DACH1: variants seen among roughly 807,000 people sequenced by gnomAD.
DACH1 encodes dachshund family transcription factor 1.
A neutral mutation model predicts 54.2 loss-of-function variants in DACH1; 12 were observed. The ratio of observed to expected loss-of-function variants is 0.22; its 90% CI spans 0.14 to 0.36. The LOEUF is 0.36. Among genes scored for constraint, DACH1 ranks in the 10% least tolerant of loss-of-function variants. DACH1 has a pLI of 1.00. For synonymous variants in DACH1, 386 were observed against 366.2 expected (o/e 1.05, Z -0.62); for missense variants, 805 against 929.8 (o/e 0.87, Z 1.75).
intron 6 of DACH1, among the ~76,000 whole-genome samples, chr13:71,555,787 A>C (rs1422374520): frequency 6.6e-6 from 1 of 152,168 alleles, no homozygotes; most frequent in Non-Finnish European, 1.5e-5. Flanking sequence ...TAAGTTAAAA[A>C]TTTAGAGACC....
intron 6 of DACH1, among the ~76,000 whole-genome samples, chr13:71,555,493 A>C (rs972623756): frequency 5.9e-5 from 9 of 151,570 alleles, no homozygotes; most frequent in Non-Finnish European, 1.2e-4. Flanking sequence ...ACAGGTGCGC[A>C]CCATCACGCC....
At chr13:71,528,812 G>T (rs1279070284) in intron 6 of DACH1, among the ~76,000 whole-genome samples, 1 of 151,928 alleles carries the variant, frequency 6.6e-6, no homozygotes, top group Non-Finnish European at 1.5e-5. Flanking sequence ...TTGAAGATTG[G>T]AGATAACCTA....
At chr13:71,475,661 C>A in intron 9 of DACH1, 45 bp downstream of exon 9, 1 of 1,571,380 alleles carries the variant, frequency 6.4e-7, no homozygotes, top group Non-Finnish European at 8.6e-7. Context: ...GTCCTTTAAG[C>A]ATTAAAAATG....
intron 2 of DACH1, among the ~76,000 whole-genome samples, chr13:71,652,520 T>C (rs1878758270): frequency 6.6e-6 from 1 of 152,110 alleles, no homozygotes; most frequent in Non-Finnish European, 1.5e-5. Context: ...GAACTATCCT[T>C]CAACTCAGCA....
At chr13:71,785,398 A>C (rs1231145210) in intron 1 of DACH1, among the ~76,000 whole-genome samples, 2 of 152,222 alleles carry the variant, frequency 1.3e-5, no homozygotes, top group African/African-American at 4.8e-5. Context: ...CCCAAAGAGC[A>C]TACCGTATTC....
intron 4 of DACH1, among the ~76,000 whole-genome samples, chr13:71,568,387 A>G (rs1295387234): frequency 6.6e-6 from 1 of 151,964 alleles, no homozygotes; most frequent in Non-Finnish European, 1.5e-5. Context: ...TGCACAATTC[A>G]CTTCTAGAGT....
In DACH1 at chr13:71,482,715, G is replaced by A. The variant is rs117172562; in HGVS notation, c.1723-3399C>T. Among the ~76,000 whole-genome samples the A allele has an allele frequency of 1.4e-3, 198 of 145,928 alleles. 2 individuals are homozygous for A. The East Asian group carries it at 0.032, about 24-fold the overall frequency. ...CCTGGTCTCTTTTCAGGGAGAAAAA[G>A]AATAATGTCCCTTGGAATCAGGAAC... On this transcript the variant is annotated intron_variant, in intron 7 of 10. Coordinates refer to ENST00000613252, the MANE Select transcript of DACH1 (RefSeq NM_080759.6).
At chr13:71,572,752 C>A in intron 4 of DACH1, 88 bp downstream of exon 4, 1 of 1,381,866 alleles carries the variant, frequency 7.2e-7, no homozygotes, top group South Asian at 1.5e-5. Context: ...TTTTAGAGTT[C>A]AGATGTACTT....
At chr13:71,696,894 T>C (rs1224178689) in intron 1 of DACH1, among the ~76,000 whole-genome samples, 1 of 152,144 alleles carries the variant, frequency 6.6e-6, no homozygotes, top group African/African-American at 2.4e-5. Context: ...TCTGAATATA[T>C]TTACTATTTA....
intron 10 of DACH1, among the ~76,000 whole-genome samples, chr13:71,471,587 C>T (rs963935208): frequency 2.0e-5 from 3 of 151,580 alleles, no homozygotes; most frequent in Non-Finnish European, 2.9e-5. Flanking sequence ...AGTGAAACAC[C>T]GTCTCTACTA....
chr13:71,663,747 T>C (rs965680722), intron 2 of DACH1, among the ~76,000 whole-genome samples: 5 of 151,960 alleles, frequency 3.3e-5, no homozygotes, highest in African/African-American at 9.6e-5. Flanking sequence ...AAATAAGAAA[T>C]AGAGATTCTG....
At chr13:71,767,098 C>T (rs1885666827) in intron 1 of DACH1, among the ~76,000 whole-genome samples, 1 of 151,930 alleles carries the variant, frequency 6.6e-6, no homozygotes, top group South Asian at 2.1e-4. Context: ...ATTACTTAGT[C>T]ATTGGCAAAT....
intron 1 of DACH1, among the ~76,000 whole-genome samples, chr13:71,810,282 G>A (rs555713410): frequency 6.6e-6 from 1 of 152,234 alleles, no homozygotes; most frequent in East Asian, 1.9e-4. Flanking sequence ...GAGGCCAAGA[G>A]TTGAATTCAG....
At chr13:71,632,490 C>T (rs1233214438) in intron 2 of DACH1, among the ~76,000 whole-genome samples, 3 of 144,104 alleles carry the variant, frequency 2.1e-5, no homozygotes, top group Admixed American at 7.1e-5. Context: ...TCGAATTTAT[C>T]TGTGTGATTT....
intron 1 of DACH1, among the ~76,000 whole-genome samples, chr13:71,750,545 T>C (rs550791527): frequency 3.3e-5 from 5 of 152,330 alleles, no homozygotes; most frequent in African/African-American, 4.8e-5. Context: ...AGAATAATTG[T>C]TTAATATTGC....
intron 1 of DACH1, among the ~76,000 whole-genome samples, chr13:71,830,604 T>C (rs913775746): frequency 1.3e-5 from 2 of 151,808 alleles, no homozygotes; most frequent in Admixed American, 1.3e-4. Flanking sequence ...AGACCCACTA[T>C]GTTTAACCGA....
intron 6 of DACH1, among the ~76,000 whole-genome samples, chr13:71,537,799 G>A (rs184926945): frequency 8.5e-4 from 130 of 152,092 alleles, no homozygotes; most frequent in Admixed American, 2.5e-3. Flanking sequence ...CAATTATCTA[G>A]TTGGAATTAT....
intron 10 of DACH1, among the ~76,000 whole-genome samples, chr13:71,455,146 T>A (rs1875440033): frequency 6.6e-6 from 1 of 152,174 alleles, no homozygotes; most frequent in African/African-American, 2.4e-5. Flanking sequence ...TTATTGTTCT[T>A]AATGTGCAAA....
chr13:71,536,290 T>C (rs541027407), intron 6 of DACH1, among the ~76,000 whole-genome samples: 2 of 152,228 alleles, frequency 1.3e-5, no homozygotes, highest in African/African-American at 2.4e-5. Context: ...TCAGGAGAAA[T>C]CTTTCTCAAG....
Sources: gnomAD v4.1 joint callset for allele counts (sites outside exome capture counted in the v4.1 genomes callset) on GRCh38, gnomAD v4.1.1 for gene constraint, MANE v1.5 for transcripts, NCBI Gene and HGNC (gene_info 2026-07-23, HGNC 2026-07-21) for gene names.